ZNF536: variants seen among roughly 807,000 people sequenced by gnomAD.
ZNF536 encodes zinc finger protein 536.
A neutral mutation model predicts 84.5 loss-of-function variants in ZNF536; 13 were observed. That is an observed-to-expected ratio of 0.15 (90% CI 0.10 to 0.24). ZNF536 has a LOEUF of 0.24. Among genes scored for constraint, ZNF536 ranks in the 10% least tolerant of loss-of-function variants. The pLI is 1.00. For synonymous variants in ZNF536, 811 were observed against 742.5 expected, an observed-to-expected ratio of 1.09 and a Z score of -1.50; for missense variants, 1,536 against 1,747.5, an observed-to-expected ratio of 0.88 and a Z score of 2.16.
intron 1 of ZNF536, among the ~76,000 whole-genome samples, chr19:30,626,358 TA>T (rs1350017970): frequency 6.6e-6 from 1 of 151,494 alleles, no homozygotes; most frequent in East Asian, 1.9e-4. Flanking sequence ...TTCTGGGGGT[TA>T]TTTTTTTTTT....
intron 1 of ZNF536, among the ~76,000 whole-genome samples, chr19:30,708,422 C>G (rs2052335238): frequency 6.6e-6 from 1 of 152,170 alleles, no homozygotes; most frequent in Admixed American, 6.5e-5. Flanking sequence ...TAGGATTGAG[C>G]CATGAAAGTC....
chr19:30,590,153 G>T (rs2146782712), intron 1 of ZNF536, among the ~76,000 whole-genome samples: 1 of 152,302 alleles, frequency 6.6e-6, no homozygotes, highest in East Asian at 1.9e-4. Context: ...ACCCATGGAG[G>T]TTCTTCATGG....
intron 2 of ZNF536, among the ~76,000 whole-genome samples, chr19:30,297,831 G>A (rs963284412): frequency 6.6e-6 from 1 of 151,532 alleles, no homozygotes; most frequent in Non-Finnish European, 1.5e-5. Flanking sequence ...CCCTGGATTT[G>A]CACCGTGCCC....
In ZNF536 at chr19:30,522,265, A is replaced by ATATGTG. The variant is rs1317932013; in HGVS notation, c.2171-12579_2171-12578insGTGTAT. ...TTGGCAGAGCTGGATATATATACAT[A>ATATGTG]TATATATACATATATATAATATATA... is the stretch of plus-strand genomic sequence containing the variant. On this transcript the variant is annotated intron_variant, in intron 2 of 4. Transcript: ENST00000355537. Among the ~76,000 whole-genome samples the ATATGTG allele has an allele frequency of 1.1e-3, 122 of 110,076 alleles. 13 individuals carry two copies. The Middle Eastern group carries it at 0.014, about 12-fold the overall frequency. 72.2% of individuals were successfully genotyped at this position (110,076 alleles called of 152,430 possible). A position where few individuals can be genotyped will look rare whatever the true frequency, so the allele number is the denominator to read the frequency against.
At chr19:30,320,054 A>G (rs2046805160) in intron 2 of ZNF536, among the ~76,000 whole-genome samples, 2 of 152,224 alleles carry the variant, frequency 1.3e-5, no homozygotes, top group South Asian at 4.1e-4. Flanking sequence ...GAAGGAAATT[A>G]CTGGCTCCCA....
At chr19:30,683,381 A>G (rs1181609776) in intron 1 of ZNF536, among the ~76,000 whole-genome samples, 1 of 152,236 alleles carries the variant, frequency 6.6e-6, no homozygotes, top group Non-Finnish European at 1.5e-5. Context: ...AAGACCTTCC[A>G]GGCTTAATAT....
At chr19:30,412,508 CT>C (rs2050536007) in intron 1 of ZNF536, among the ~76,000 whole-genome samples, 1 of 151,914 alleles carries the variant, frequency 6.6e-6, no homozygotes, top group Non-Finnish European at 1.5e-5. Context: ...GGGGTAAACT[CT>C]AGTTGTTCTT....
chr19:30,568,492 G>T (rs1375586115), intron 1 of ZNF536, among the ~76,000 whole-genome samples: 1 of 152,160 alleles, frequency 6.6e-6, no homozygotes, highest in Admixed American at 6.5e-5. Context: ...AAAGGCAAAG[G>T]TGCAAGTATT....
chr19:30,517,715 G>A (rs963359310), intron 2 of ZNF536, among the ~76,000 whole-genome samples: 2 of 152,090 alleles, frequency 1.3e-5, no homozygotes, highest in Non-Finnish European at 2.9e-5. Context: ...CCAGGAGGTC[G>A]AGGCTGCAGT....
chr19:30,418,698 C>T (rs1030537506), intron 1 of ZNF536, among the ~76,000 whole-genome samples: 74 of 152,228 alleles, frequency 4.9e-4, no homozygotes, highest in African/African-American at 1.7e-3. Context: ...TGATGATGTG[C>T]CCGTCTCAAG....
chr19:30,701,348 C>T (rs12976148), intron 1 of ZNF536, among the ~76,000 whole-genome samples: 7,285 of 151,608 alleles, frequency 0.048, 217 homozygotes, highest in East Asian at 0.13. Context: ...AACACACACA[C>T]AGACACACAC....
chr19:30,323,464 T>C (rs891396673), intron 2 of ZNF536, among the ~76,000 whole-genome samples: 1 of 152,208 alleles, frequency 6.6e-6, no homozygotes, highest in African/African-American at 2.4e-5. Flanking sequence ...TTTCTAAGTG[T>C]ATGCAGGGAG....
chr19:30,686,531 C>T (rs1179036101), intron 1 of ZNF536, among the ~76,000 whole-genome samples: 1 of 152,210 alleles, frequency 6.6e-6, no homozygotes, highest in Admixed American at 6.5e-5. Flanking sequence ...ACCGTGGCAC[C>T]GTGGCCCAGT....
chr19:30,225,848 C>A (rs1202969896), upstream of ZNF536, among the ~76,000 whole-genome samples: 39 of 148,254 alleles, frequency 2.6e-4, no homozygotes, highest in Non-Finnish European at 3.4e-4. Flanking sequence ...GCGAGGCCTG[C>A]CGCCCGGTTC....
At chr19:30,590,476 G>T (rs1479552804) in intron 1 of ZNF536, among the ~76,000 whole-genome samples, 1 of 152,188 alleles carries the variant, frequency 6.6e-6, no homozygotes, top group Non-Finnish European at 1.5e-5. Context: ...CAAAGCCTTT[G>T]TCTTTCCTTT....
chr19:30,582,872 C>G (rs1295323320), intron 1 of ZNF536, among the ~76,000 whole-genome samples: 1 of 152,168 alleles, frequency 6.6e-6, no homozygotes, highest in Non-Finnish European at 1.5e-5. Flanking sequence ...CCCACTGGGT[C>G]CCTCCCACAA....
chr19:30,541,888 G>A (rs2045345276), intron 3 of ZNF536, among the ~76,000 whole-genome samples: 1 of 152,240 alleles, frequency 6.6e-6, no homozygotes, highest in South Asian at 2.1e-4. Flanking sequence ...AAAGTCTTCA[G>A]GTTTACAACA....
intron 1 of ZNF536, among the ~76,000 whole-genome samples, chr19:30,403,486 C>T (rs2050138124): frequency 2.0e-5 from 3 of 152,206 alleles, no homozygotes; most frequent in Admixed American, 1.3e-4. Flanking sequence ...GTAAGAAGGA[C>T]TATCTCCAAT....
chr19:30,539,075 A>G (rs2045212393), intron 3 of ZNF536, among the ~76,000 whole-genome samples: 1 of 151,804 alleles, frequency 6.6e-6, no homozygotes, highest in East Asian at 1.9e-4. Context: ...AAAGAAAAGG[A>G]AAGAAAGAAA....
Sources: gnomAD v4.1 joint callset for allele counts (sites outside exome capture counted in the v4.1 genomes callset) on GRCh38, gnomAD v4.1.1 for gene constraint, MANE v1.5 for transcripts, NCBI Gene and HGNC (gene_info 2026-07-23, HGNC 2026-07-21) for gene names.